The following APLF variants were observed in gnomAD, a reference collection of about 807,000 sequenced individuals.
APLF encodes aprataxin and PNK-like factor.
Under a neutral mutation model 55.6 loss-of-function variants are expected in APLF, and 61 were observed. That is an observed-to-expected ratio of 1.10 (90% CI 0.89 to 1.36). The LOEUF is 1.36. APLF is among the 40% of genes most tolerant of loss of function. The pLI, the probability that APLF is intolerant of heterozygous loss-of-function variation, is 0.00. For synonymous variants in APLF, 207 were observed against 214.8 expected (o/e 0.96, Z 0.32); for missense variants, 611 against 602.5 (o/e 1.01, Z -0.15).
intron 3 of APLF, among the ~76,000 whole-genome samples, chr2:68,505,745 C>T (rs1676856710): frequency 6.6e-6 from 1 of 152,034 alleles, no homozygotes; most frequent in Non-Finnish European, 1.5e-5. Context: ...GGGTACACCA[C>T]TCTCCCAGCA....
intron 3 of APLF, among the ~76,000 whole-genome samples, chr2:68,504,990 A>G (rs1332600568): frequency 6.6e-6 from 1 of 152,062 alleles, no homozygotes; most frequent in Non-Finnish European, 1.5e-5. Flanking sequence ...AAGGGTGCAG[A>G]TTATGTGGGT....
chr2:68,479,969 G>C (rs552118195), intron 1 of APLF, among the ~76,000 whole-genome samples: 53 of 152,074 alleles, frequency 3.5e-4, no homozygotes, highest in African/African-American at 1.3e-3. Flanking sequence ...TCTTCCTTAC[G>C]ATTTTCTGAA....
chr2:68,509,381 A>C (rs187131588), intron 3 of APLF, among the ~76,000 whole-genome samples: 30 of 152,298 alleles, frequency 2.0e-4, no homozygotes, highest in African/African-American at 7.2e-4. Context: ...ATAAGAAAAA[A>C]ACAACCCCAT....
At chr2:68,487,828 C>A (rs1327600755) in intron 1 of APLF, among the ~76,000 whole-genome samples, 1 of 151,970 alleles carries the variant, frequency 6.6e-6, no homozygotes, top group African/African-American at 2.4e-5. Flanking sequence ...TAGGGTTTTA[C>A]TTTAAAAGGA....
intron 9 of APLF, among the ~76,000 whole-genome samples, chr2:68,568,580 T>C (rs536173717): frequency 3.3e-5 from 5 of 152,284 alleles, no homozygotes; most frequent in African/African-American, 1.2e-4. Flanking sequence ...AATAATGTAA[T>C]TGTATTTGAT....
intron 3 of APLF, among the ~76,000 whole-genome samples, chr2:68,510,744 T>C (rs1183296315): frequency 6.6e-6 from 1 of 151,840 alleles, no homozygotes; most frequent in East Asian, 1.9e-4. Context: ...GCAGCATTAT[T>C]CATAATAGCC....
chr2:68,492,004 G>A (rs766698852), intron 2 of APLF, among the ~76,000 whole-genome samples: 17 of 152,210 alleles, frequency 1.1e-4, no homozygotes, highest in Admixed American at 6.5e-4. Flanking sequence ...TTAGAAAACC[G>A]TCATATTTAC....
chr2:68,477,639 G>C (rs951983320), intron 1 of APLF, among the ~76,000 whole-genome samples: 1 of 152,114 alleles, frequency 6.6e-6, no homozygotes, highest in African/African-American at 2.4e-5. Flanking sequence ...GACCCTGTCT[G>C]TATTAGTCTG....
At chr2:68,509,735 T>A (rs527575708) in intron 3 of APLF, among the ~76,000 whole-genome samples, 1 of 152,110 alleles carries the variant, frequency 6.6e-6, no homozygotes, top group Admixed American at 6.6e-5. Flanking sequence ...CTCAAAGGAA[T>A]ATAACTCATG....
chr2:68,506,936 A>C (rs1205326170), intron 3 of APLF, among the ~76,000 whole-genome samples: 2 of 152,034 alleles, frequency 1.3e-5, no homozygotes, highest in Non-Finnish European at 2.9e-5. Flanking sequence ...CTATAAAATA[A>C]TGGATGCATA....
chr2:68,470,783 G>C (rs1281516869), intron 1 of APLF, among the ~76,000 whole-genome samples: 1 of 152,204 alleles, frequency 6.6e-6, no homozygotes, highest in Non-Finnish European at 1.5e-5. Flanking sequence ...CAATGTAGAT[G>C]TAATTAAATT....
At chr2:68,565,946 G>C (rs1303719499) in intron 8 of APLF, among the ~76,000 whole-genome samples, 1 of 152,026 alleles carries the variant, frequency 6.6e-6, no homozygotes, top group Admixed American at 6.6e-5. Context: ...AAACCTGGGG[G>C]TGAACTTCAT....
At chr2:68,512,243 T>C (rs979061113) in intron 3 of APLF, among the ~76,000 whole-genome samples, 1 of 151,714 alleles carries the variant, frequency 6.6e-6, no homozygotes, top group African/African-American at 2.4e-5. Context: ...ACCATTAATA[T>C]GATTTCTGTC....
At chr2:68,571,255 T>C (rs1052725358) in intron 9 of APLF, among the ~76,000 whole-genome samples, 13 of 152,182 alleles carry the variant, frequency 8.5e-5, no homozygotes, top group African/African-American at 3.1e-4. Context: ...GCCTGTTCAC[T>C]CTGATGGTAG....
At chr2:68,503,406 A>G (rs1676782142) in intron 3 of APLF, among the ~76,000 whole-genome samples, 2 of 152,116 alleles carry the variant, frequency 1.3e-5, no homozygotes, top group Admixed American at 1.3e-4. Flanking sequence ...AAATTCATAC[A>G]CTAGTTTTTT....
chr2:68,579,514 A>C lies in APLF; in HGVS notation c.*1492A>C. On this transcript the variant is annotated 3_prime_UTR_variant, in exon 10 of 10. Transcript: ENST00000303795. ...CAATGTCAATAGAAGCATTATTCTTAACAGCCAAAAAGTATAAACACCCAA... is the reference window on the plus strand; with the variant it reads ...CAATGTCAATAGAAGCATTATTCTTCACAGCCAAAAAGTATAAACACCCAA... 1.6e-6 allele frequency: 1 copy of C among 628,108 alleles called. No homozygotes were observed. Among genetic ancestry groups the C allele is most frequent in the Non-Finnish European group, 2.0e-6 (1 of 504,116 alleles). The allele number at this position is 628,108 out of a possible 1,614,324, so 38.9% of individuals were successfully genotyped here. A position where few individuals can be genotyped will look rare whatever the true frequency, so the allele number is the denominator to read the frequency against.
At chr2:68,537,196 G>A (rs776385451) in intron 6 of APLF, among the ~76,000 whole-genome samples, 4 of 151,474 alleles carry the variant, frequency 2.6e-5, no homozygotes, top group Non-Finnish European at 4.4e-5. Flanking sequence ...TATAAGGACC[G>A]TGCATGTTAA....
rs950926436 is a variant in APLF, at chr2:68,514,237, T to C, written c.622+557T>C. 1.4e-4 allele frequency among the ~76,000 whole-genome samples: 22 copies of C among 151,826 alleles called. 1 individual carries two copies. The highest frequency in any genetic ancestry group is 1.3e-3 in the Admixed American group (20 of 15,182). On this transcript the variant is annotated intron_variant, in intron 5 of 9. Coordinates refer to ENST00000303795, the MANE Select transcript of APLF (RefSeq NM_173545.3). ...TTCTATAAGTCTTTGATCATATTTA[T>C]AATAGCTGCGTTAAAGTCTGCATCT...
At chr2:68,491,562 G>A (rs988593350) in intron 2 of APLF, among the ~76,000 whole-genome samples, 2 of 152,098 alleles carry the variant, frequency 1.3e-5, no homozygotes, top group Admixed American at 1.3e-4. Context: ...CCTAAAATAA[G>A]TTTTTTTGTT....
Sources: allele counts gnomAD v4.1 joint callset (sites outside exome capture counted in the v4.1 genomes callset), GRCh38; gene constraint gnomAD v4.1.1; transcripts MANE v1.5; gene names NCBI Gene and HGNC (gene_info 2026-07-23, HGNC 2026-07-21).